Variants in ADAM22 observed in about 807,000 individuals in gnomAD.
ADAM22 encodes disintegrin and metalloproteinase domain-containing protein 22.
ADAM22 carries 65 observed loss-of-function variants against 144.6 expected under a neutral mutation model. That is an observed-to-expected ratio of 0.45 (90% confidence interval 0.37 to 0.55). The LOEUF is 0.55. ADAM22 is among the 20% of genes least tolerant of loss of function. The pLI is 0.00. For missense variants in ADAM22, 974 were observed against 1,184.9 expected, an observed-to-expected ratio of 0.82 and a Z score of 2.61; for synonymous variants, 391 against 412.6, an observed-to-expected ratio of 0.95 and a Z score of 0.63.
At chr7:88,174,030 A>G (rs1306215532) in intron 26 of ADAM22, among the ~76,000 whole-genome samples, 1 of 152,144 alleles carries the variant, frequency 6.6e-6, no homozygotes, top group Non-Finnish European at 1.5e-5. Context: ...GCAAGACCTA[A>G]TAAGTATAAT....
chr7:88,101,506 G>A (rs1822931394), intron 4 of ADAM22, among the ~76,000 whole-genome samples: 1 of 152,140 alleles, frequency 6.6e-6, no homozygotes, highest in Non-Finnish European at 1.5e-5. Context: ...AGTATCCTGG[G>A]AAACCCCTTT....
At chr7:88,148,149 A>C (rs1425874224) in intron 17 of ADAM22, among the ~76,000 whole-genome samples, 6 of 152,206 alleles carry the variant, frequency 3.9e-5, no homozygotes, top group Non-Finnish European at 8.8e-5. Context: ...TAGAGAAGAT[A>C]AAGCTTATCT....
chr7:88,142,723 A>G (rs895486399), intron 14 of ADAM22, among the ~76,000 whole-genome samples: 1 of 151,978 alleles, frequency 6.6e-6, no homozygotes, highest in Non-Finnish European at 1.5e-5. Flanking sequence ...CTGTAGTCCC[A>G]GCTACTCGGG....
chr7:88,043,342 C>T (rs997844824), intron 3 of ADAM22, among the ~76,000 whole-genome samples: 5 of 151,614 alleles, frequency 3.3e-5, no homozygotes, highest in South Asian at 2.1e-4. Flanking sequence ...AAAATTAGCC[C>T]GGCGTGGTGG....
At chr7:88,055,838 G>A (rs1808109729) in intron 3 of ADAM22, among the ~76,000 whole-genome samples, 1 of 152,014 alleles carries the variant, frequency 6.6e-6, no homozygotes, top group South Asian at 2.1e-4. Context: ...TGTGTGTTTT[G>A]GTGTTCATCT....
At chr7:87,996,085 AG>A (rs1423516030) in intron 3 of ADAM22, among the ~76,000 whole-genome samples, 1 of 152,178 alleles carries the variant, frequency 6.6e-6, no homozygotes, top group South Asian at 2.1e-4. Context: ...TTGCAGTAAT[AG>A]GGACACGGCC....
At chr7:88,036,068 G>A (rs1418043656) in intron 3 of ADAM22, among the ~76,000 whole-genome samples, 6 of 152,204 alleles carry the variant, frequency 3.9e-5, no homozygotes, top group East Asian at 1.9e-4. Context: ...TTAAGTCACC[G>A]ACTAGCTGGC....
intron 7 of ADAM22, among the ~76,000 whole-genome samples, chr7:88,120,086 T>C (rs1408699314): frequency 6.6e-6 from 1 of 152,094 alleles, no homozygotes; most frequent in African/African-American, 2.4e-5. Flanking sequence ...TTGGGTGGGA[T>C]TGGAGAATTT....
rs561551141 is a variant in ADAM22 at position 88,017,783 on chromosome 7, G to GTA, written c.323+39383_323+39384dup. The stretch of plus-strand genomic sequence containing the variant: ...AAAAAATGCAAGCATATGTGTGTGT[G>GTA]TATATATATATATGTGTGTGTATAT... On this transcript the variant is annotated intron_variant, in intron 3 of 31. Transcript: ENST00000413139. Among the ~76,000 whole-genome samples the GTA allele has an allele frequency of 7.1e-3, 1,062 of 150,100 alleles. 12 individuals are homozygous for GTA. Among genetic ancestry groups the GTA allele is most frequent in the African/African-American group, 0.023 (921 of 40,538 alleles).
chr7:87,986,068 T>C (rs1562924949), intron 3 of ADAM22, among the ~76,000 whole-genome samples: 1 of 152,228 alleles, frequency 6.6e-6, no homozygotes. Context: ...CTTATGTTTT[T>C]GATTTATAGT....
chr7:88,177,400 A>G (rs1024648742), intron 26 of ADAM22, among the ~76,000 whole-genome samples: 3 of 152,178 alleles, frequency 2.0e-5, no homozygotes, highest in Non-Finnish European at 4.4e-5. Context: ...GTTTCATATT[A>G]TTATCCTATA....
chr7:88,165,242 A>G (rs1166151976), intron 23 of ADAM22, among the ~76,000 whole-genome samples: 1 of 152,218 alleles, frequency 6.6e-6, no homozygotes, highest in East Asian at 1.9e-4. Flanking sequence ...TGTCAATTTT[A>G]TATGAATCTT....
chr7:87,994,184 C>T (rs554127003), intron 3 of ADAM22, among the ~76,000 whole-genome samples: 16 of 146,748 alleles, frequency 1.1e-4, no homozygotes, highest in African/African-American at 3.3e-4. Context: ...TTTTTTGAGA[C>T]GGAGTCTTGC....
intron 3 of ADAM22, among the ~76,000 whole-genome samples, chr7:88,048,594 C>T (rs1177567308): frequency 6.6e-6 from 1 of 151,932 alleles, no homozygotes; most frequent in African/African-American, 2.4e-5. Context: ...TGTATATTGG[C>T]CATTTGTAGG....
At chr7:88,097,701 C>T (rs761600856) in intron 4 of ADAM22, among the ~76,000 whole-genome samples, 7 of 150,922 alleles carry the variant, frequency 4.6e-5, no homozygotes. Context: ...TTTAGGAATG[C>T]ACAAATATGT....
intron 8 of ADAM22, among the ~76,000 whole-genome samples, chr7:88,126,050 T>C (rs995099065): frequency 2.0e-5 from 3 of 152,078 alleles, no homozygotes; most frequent in African/African-American, 7.2e-5. Flanking sequence ...TCAATCAGGT[T>C]GTGAAGCCAC....
intron 23 of ADAM22, among the ~76,000 whole-genome samples, chr7:88,164,252 T>C (rs1366466833): frequency 1.3e-5 from 2 of 152,076 alleles, no homozygotes; most frequent in Non-Finnish European, 2.9e-5. Context: ...TTATCCATCT[T>C]AAGATTCTGA....
intron 3 of ADAM22, among the ~76,000 whole-genome samples, chr7:88,012,831 C>T (rs1361948860): frequency 6.6e-6 from 1 of 152,188 alleles, no homozygotes; most frequent in African/African-American, 2.4e-5. Flanking sequence ...CTAGAGGAGT[C>T]TGTAGTTGGG....
At position 88,016,614 on chromosome 7, in the gene ADAM22, A is replaced by G. The variant is rs563962070; in HGVS notation, c.323+38202A>G. 3.0e-4 allele frequency among the ~76,000 whole-genome samples: 46 copies of G among 152,340 alleles called. No homozygotes were observed. In the South Asian group the frequency reaches 9.3e-3, roughly 31 times the overall value. ...TTTGTGCTAATTGTAAAACCACTGT[A>G]TGATGTTTAAGATTACCTTGCATCT... On this transcript the variant is annotated intron_variant, in intron 3 of 31. Transcript: ENST00000413139.
Sources: gnomAD v4.1 joint callset for allele counts (sites outside exome capture counted in the v4.1 genomes callset) on GRCh38, gnomAD v4.1.1 for gene constraint, MANE v1.5 for transcripts, NCBI Gene and HGNC (gene_info 2026-07-23, HGNC 2026-07-21) for gene names.